The following WARS2 variants were observed in gnomAD, a reference collection of about 807,000 sequenced individuals.
WARS2 encodes the protein tryptophan--tRNA ligase, mitochondrial.
A neutral mutation model predicts 36.5 loss-of-function variants in WARS2; 28 were observed. That is an observed-to-expected ratio of 0.77 (90% CI 0.57 to 1.05). The LOEUF (loss-of-function observed/expected upper bound fraction) is 1.05, where lower values mean the gene tolerates loss of function less well. WARS2 is among the 50% of genes least tolerant of loss of function. The pLI, the probability that WARS2 is intolerant of heterozygous loss-of-function variation, is 0.00. For synonymous variants in WARS2, 174 were observed against 178.4 expected, an observed-to-expected ratio of 0.98 and a Z score of 0.20; for missense variants, 435 against 456.8, an observed-to-expected ratio of 0.95 and a Z score of 0.44.
At chr1:119,053,350 ACTAT>A (rs1470410110) in intron 2 of WARS2, among the ~76,000 whole-genome samples, 1 of 152,232 alleles carries the variant, frequency 6.6e-6, no homozygotes, top group African/African-American at 2.4e-5. Flanking sequence ...TAACATGTTT[ACTAT>A]CTATCCTTTC....
chr1:119,066,477 CAAAAAAAA>C (rs34709639), intron 2 of WARS2, among the ~76,000 whole-genome samples: 1 of 46,498 alleles, frequency 2.2e-5, no homozygotes, highest in Non-Finnish European at 4.6e-5. Flanking sequence ...GGCTCTGTCT[CAAAAAAAA>C]AAAAAAAAAA....
intron 1 of WARS2, among the ~76,000 whole-genome samples, chr1:119,111,515 G>A (rs1332257477): frequency 6.6e-6 from 1 of 152,078 alleles, no homozygotes; most frequent in African/African-American, 2.4e-5. Context: ...TTCCTCTGAG[G>A]CCTTGTTAAA....
chr1:119,126,595 C>T, intron 1 of WARS2: 1 of 664,604 alleles, frequency 1.5e-6, no homozygotes, highest in Non-Finnish European at 2.8e-6. Context: ...ACTTTAGCAC[C>T]TGTCTTGTCC....
intron 1 of WARS2, among the ~76,000 whole-genome samples, chr1:119,133,548 G>A (rs1342730377): frequency 1.3e-5 from 2 of 152,136 alleles, no homozygotes; most frequent in Non-Finnish European, 2.9e-5. Context: ...ATAAAATAGG[G>A]CTAATAGCAC....
At chr1:119,126,937 A>G in intron 1 of WARS2, 1 of 743,234 alleles carries the variant, frequency 1.3e-6, no homozygotes, top group East Asian at 2.6e-5. Flanking sequence ...TGAAGCAATC[A>G]TTGTCTGCCA....
chr1:119,123,603 AAC>A (rs61318006), intron 1 of WARS2, among the ~76,000 whole-genome samples: 19,227 of 151,072 alleles, frequency 0.13, 1,265 homozygotes, highest in African/African-American at 0.13. Context: ...TGTGCATGCA[AAC>A]ACACACACAC....
intron 1 of WARS2, among the ~76,000 whole-genome samples, chr1:119,117,306 C>T (rs866820357): frequency 6.6e-6 from 1 of 152,178 alleles, no homozygotes; most frequent in Non-Finnish European, 1.5e-5. Flanking sequence ...CTCAGACTTG[C>T]CTAACCCTGC....
intron 1 of WARS2, among the ~76,000 whole-genome samples, chr1:119,091,951 C>A (rs587747085): frequency 6.6e-6 from 1 of 152,132 alleles, no homozygotes; most frequent in Non-Finnish European, 1.5e-5. Flanking sequence ...GGCAGTGCTT[C>A]GGAAGGATAA....
chr1:119,091,651 G>A lies in WARS2; in HGVS notation c.91-15044C>T, dbSNP rs1034753279. ...ATACTTGTTTCATTGAGAAGTGGTG[G>A]CCCATACCAGGGCAGGTGACAAGGA... On this transcript the variant is annotated intron_variant, in intron 1 of 5. Coordinates refer to ENST00000235521, the MANE Select transcript of WARS2 (RefSeq NM_015836.4). 5.3e-5 allele frequency among the ~76,000 whole-genome samples: 8 copies of A among 152,162 alleles called. 1 individual carries two copies. Among genetic ancestry groups the A allele is most frequent in the African/African-American group, 1.9e-4 (8 of 41,434 alleles).
At chr1:119,095,054 G>GT (rs756339464) in intron 1 of WARS2, among the ~76,000 whole-genome samples, 8 of 151,864 alleles carry the variant, frequency 5.3e-5, no homozygotes, top group African/African-American at 1.2e-4. Flanking sequence ...TCTTTTGGAG[G>GT]TTTTTTTTAT....
intron 4 of WARS2, among the ~76,000 whole-genome samples, chr1:119,037,659 C>T (rs1202793146): frequency 1.3e-5 from 2 of 152,158 alleles, no homozygotes; most frequent in Non-Finnish European, 2.9e-5. Flanking sequence ...GATTTAAGGC[C>T]ACCAGGAGGA....
At chr1:119,097,628 C>A (rs970920859) in intron 1 of WARS2, among the ~76,000 whole-genome samples, 5 of 152,218 alleles carry the variant, frequency 3.3e-5, no homozygotes, top group African/African-American at 1.2e-4. Flanking sequence ...AACTACAATG[C>A]TTTGTCCTCC....
rs754562860 is a variant in WARS2, at chr1:119,085,137, G to C, written c.91-8530C>G. 7.6e-6 allele frequency: 6 copies of C among 786,570 alleles called. No individual in the cohort carries two copies. The East Asian group carries it at 1.5e-4, about 19-fold the overall frequency. The allele number at this position is 786,570 out of a possible 1,614,324, so 48.7% of individuals were successfully genotyped here. The stretch of plus-strand genomic sequence containing the variant: ...TTCAGAACGCCCGTTGTACGGGCTA[G>C]AAAGTGTGCCTGAGCTCCGCCCTCT... On this transcript the variant is annotated intron_variant, in intron 1 of 5. Transcript: ENST00000235521.
chr1:119,087,416 C>T (rs916987375), intron 1 of WARS2, among the ~76,000 whole-genome samples: 6 of 152,136 alleles, frequency 3.9e-5, no homozygotes, highest in African/African-American at 1.2e-4. Flanking sequence ...AAACAAGTTA[C>T]GTTCTAAGAG....
At chr1:119,122,664 G>A (rs1306031957) in intron 1 of WARS2, among the ~76,000 whole-genome samples, 1 of 152,036 alleles carries the variant, frequency 6.6e-6, no homozygotes, top group Non-Finnish European at 1.5e-5. Context: ...AACCAAGTGG[G>A]TAAAGAAAGT....
At chr1:119,103,452 C>T (rs1654014315) in intron 1 of WARS2, among the ~76,000 whole-genome samples, 1 of 151,982 alleles carries the variant, frequency 6.6e-6, no homozygotes, top group Non-Finnish European at 1.5e-5. Flanking sequence ...AATATCAGGC[C>T]CATACCTAGT....
intron 1 of WARS2, chr1:119,126,899 T>C: frequency 1.3e-6 from 1 of 799,258 alleles, no homozygotes; most frequent in Non-Finnish European, 2.2e-6. Context: ...GATTGTTGCA[T>C]TTTTTAGTAA....
intron 1 of WARS2, among the ~76,000 whole-genome samples, chr1:119,127,621 G>A (rs1352788317): frequency 6.6e-6 from 1 of 152,108 alleles, no homozygotes; most frequent in Non-Finnish European, 1.5e-5. Flanking sequence ...ATCTCCTCAG[G>A]TCTAAAGCCA....
chr1:119,078,560 T>C (rs1340064773), intron 1 of WARS2, among the ~76,000 whole-genome samples: 1 of 152,196 alleles, frequency 6.6e-6, no homozygotes, highest in Non-Finnish European at 1.5e-5. Context: ...CATTATGGTT[T>C]AACTCTCTTT....
Sources: gnomAD v4.1 joint callset for allele counts (sites outside exome capture counted in the v4.1 genomes callset) on GRCh38, gnomAD v4.1.1 for gene constraint, MANE v1.5 for transcripts, NCBI Gene and HGNC (gene_info 2026-07-23, HGNC 2026-07-21) for gene names.